UGT2A2: variants seen among roughly 807,000 people sequenced by gnomAD.
UGT2A2 encodes the protein UDP glucuronosyltransferase family 2 member A2.
UGT2A2 carries 60 observed loss-of-function variants against 50.7 expected under a neutral mutation model. The ratio of observed to expected loss-of-function variants is 1.18; its 90% CI spans 0.96 to 1.47. The LOEUF (loss-of-function observed/expected upper bound fraction) is 1.47, where lower values mean the gene tolerates loss of function less well. Among genes scored for constraint, UGT2A2 ranks in the 40% most tolerant of loss-of-function variants. UGT2A2 has a pLI of 0.00. For synonymous variants in UGT2A2, 242 were observed against 214.6 expected, an observed-to-expected ratio of 1.13 and a Z score of -1.11; for missense variants, 762 against 634.0, an observed-to-expected ratio of 1.20 and a Z score of -2.17.
At chr4:69,612,834 T>C (rs1379337449) in intron 1 of UGT2A2, among the ~76,000 whole-genome samples, 1 of 150,346 alleles carries the variant, frequency 6.7e-6, no homozygotes, top group Non-Finnish European at 1.5e-5. Context: ...AACTTTTGGC[T>C]AAGTCCTCAA....
chr4:69,616,835 T>TTTC (rs746719927), intron 1 of UGT2A2, among the ~76,000 whole-genome samples: 74 of 67,102 alleles, frequency 1.1e-3, no homozygotes, highest in African/African-American at 2.3e-3. Flanking sequence ...TTTCTTTTCT[T>TTTC]TTTTTTTTTT....
intron 1 of UGT2A2, among the ~76,000 whole-genome samples, chr4:69,628,054 T>C (rs1372796063): frequency 6.6e-6 from 1 of 151,944 alleles, no homozygotes; most frequent in Admixed American, 6.6e-5. Context: ...TTGCTTTTGG[T>C]GTTATATCCA....
At chr4:69,607,854 A>T (rs1230708674) in intron 1 of UGT2A2, among the ~76,000 whole-genome samples, 7 of 152,080 alleles carry the variant, frequency 4.6e-5, no homozygotes, top group African/African-American at 1.7e-4. Flanking sequence ...GAAATGCAAA[A>T]CAAAACCACA....
intron 1 of UGT2A2, among the ~76,000 whole-genome samples, chr4:69,608,544 C>T (rs923551405): frequency 6.6e-6 from 1 of 150,660 alleles, no homozygotes; most frequent in Non-Finnish European, 1.5e-5. Flanking sequence ...TGTACATGTA[C>T]CCTAAAACTT....
chr4:69,612,591 T>C (rs1720129097), intron 1 of UGT2A2, among the ~76,000 whole-genome samples: 1 of 151,944 alleles, frequency 6.6e-6, no homozygotes, highest in African/African-American at 2.4e-5. Flanking sequence ...CAAAACCATT[T>C]GATTTTTCAC....
rs560263017 is a variant in UGT2A2 at position 69,608,168 on chromosome 4, C to G, written c.743-8774G>C. Among the ~76,000 whole-genome samples the G allele has an allele frequency of 1.8e-4, 27 of 152,178 alleles. No individual in the cohort carries two copies. The South Asian group carries it at 5.0e-3, about 28-fold the overall frequency. ...CACAATAGCAAAGACTTGGAACCAA[C>G]CCAAATGTCCAACAATGATAGACTG... is the stretch of plus-strand genomic sequence containing the variant. On this transcript the variant is annotated intron_variant, in intron 1 of 5. Coordinates refer to ENST00000604629, the MANE Select transcript of UGT2A2 (RefSeq NM_001105677.2).
At chr4:69,623,277 C>G (rs1360384162) in intron 1 of UGT2A2, among the ~76,000 whole-genome samples, 4 of 151,770 alleles carry the variant, frequency 2.6e-5, no homozygotes, top group Non-Finnish European at 4.4e-5. Flanking sequence ...GTAGTCTCTA[C>G]AGCTATCTAG....
In UGT2A2 at chr4:69,595,398, A is replaced by G. The variant is rs1718863976; in HGVS notation, c.1024-149T>C. 3.6e-6 allele frequency: 3 copies of G among 826,358 alleles called. No individual in the cohort carries two copies. The East Asian group carries it at 8.0e-5, about 22-fold the overall frequency. The allele number at this position is 826,358 out of a possible 1,614,324, so 51.2% of individuals were successfully genotyped here. A position where few individuals can be genotyped will look rare whatever the true frequency, so the allele number is the denominator to read the frequency against. On this transcript the variant is annotated intron_variant, in intron 3 of 5. Transcript: ENST00000604629. Reference sequence around the variant, plus strand: ...TACAAACGTTGAGATACGTAGTAGGACTGTTTATATGTACCTTTTTGTAAA... The same window carrying G: ...TACAAACGTTGAGATACGTAGTAGGGCTGTTTATATGTACCTTTTTGTAAA...
At chr4:69,623,299 T>C (rs1380348516) in intron 1 of UGT2A2, among the ~76,000 whole-genome samples, 2 of 151,768 alleles carry the variant, frequency 1.3e-5, no homozygotes, top group Non-Finnish European at 1.5e-5. Flanking sequence ...CTAGGATTAC[T>C]ACAATGTAAC....
intron 1 of UGT2A2, among the ~76,000 whole-genome samples, chr4:69,608,136 C>T (rs868667002): frequency 9.2e-5 from 14 of 152,210 alleles, no homozygotes; most frequent in South Asian, 2.1e-4. Context: ...TTTATTGCAG[C>T]GCTATTCACA....
At chr4:69,612,693 C>A (rs186406068) in intron 1 of UGT2A2, among the ~76,000 whole-genome samples, 1 of 151,636 alleles carries the variant, frequency 6.6e-6, no homozygotes, top group Non-Finnish European at 1.5e-5. Context: ...AGAAAGAAAC[C>A]GGATTGTCAC....
At chr4:69,599,075 T>C (rs145308759) in intron 2 of UGT2A2, among the ~76,000 whole-genome samples, 171 bp downstream of exon 2, 52 of 152,266 alleles carry the variant, frequency 3.4e-4, no homozygotes, top group African/African-American at 1.2e-3. Context: ...AATGTAAAGT[T>C]CAAAACACCT....
intron 1 of UGT2A2, among the ~76,000 whole-genome samples, chr4:69,636,069 A>G (rs7681367): frequency 0.031 from 4,729 of 152,196 alleles, 257 homozygotes; most frequent in African/African-American, 0.11. Flanking sequence ...TCACTGATAT[A>G]GAAAACAAGT....
chr4:69,590,448 A>G (rs1284322641), intron 5 of UGT2A2, among the ~76,000 whole-genome samples: 2 of 152,134 alleles, frequency 1.3e-5, no homozygotes, highest in East Asian at 3.9e-4. Flanking sequence ...AGTAGGTTTC[A>G]TTTTGGTTTG....
intron 1 of UGT2A2, among the ~76,000 whole-genome samples, chr4:69,619,005 T>C (rs1393526321): frequency 1.3e-5 from 2 of 151,762 alleles, no homozygotes; most frequent in Non-Finnish European, 1.5e-5. Context: ...CAATAATATA[T>C]GGAAAAAAGT....
rs1017556222 is a variant in UGT2A2, at chr4:69,605,901, T to C, written c.743-6507A>G. ...GACATTGAATCTCTGAATAGACCAATAACAGGCTCTGAAATTGAGGCAATA... is the reference window on the plus strand; with the variant it reads ...GACATTGAATCTCTGAATAGACCAACAACAGGCTCTGAAATTGAGGCAATA... On this transcript the variant is annotated intron_variant, in intron 1 of 5. Transcript: ENST00000604629. 2.2e-5 allele frequency among the ~76,000 whole-genome samples: 3 copies of C among 136,558 alleles called. 1 individual carries two copies. Among genetic ancestry groups the C allele is most frequent in the Admixed American group, 2.2e-4 (3 of 13,920 alleles). The allele number at this position is 136,558 out of a possible 152,430, so 89.6% of individuals were successfully genotyped here.
chr4:69,637,987 G>C (rs1308129574), intron 1 of UGT2A2, among the ~76,000 whole-genome samples: 3 of 148,654 alleles, frequency 2.0e-5, no homozygotes, highest in African/African-American at 7.5e-5. Flanking sequence ...AAGGCAAGAA[G>C]GAAGGCAGGC....
intron 1 of UGT2A2, among the ~76,000 whole-genome samples, chr4:69,614,459 A>G (rs904814950): frequency 2.4e-5 from 3 of 125,826 alleles, no homozygotes; most frequent in Non-Finnish European, 5.2e-5. Flanking sequence ...CACAAATTAA[A>G]AAATATATAT....
chr4:69,599,150 C>T lies in UGT2A2; in HGVS notation c.891+96G>A, dbSNP rs895520877. The stretch of plus-strand genomic sequence containing the variant: ...ATGTGGAGTAGCAAACTGAAATGTC[C>T]AGCAGCATTTATTTGTTATTGAGGC... On this transcript the variant is annotated intron_variant, in intron 2 of 5. Transcript: ENST00000604629. 1.2e-4 allele frequency: 173 copies of T among 1,440,388 alleles called. No homozygotes were observed. The Middle Eastern group carries it at 2.9e-3, about 24-fold the overall frequency. The allele number at this position is 1,440,388 out of a possible 1,614,324, so 89.2% of individuals were successfully genotyped here. A position where few individuals can be genotyped will look rare whatever the true frequency, so the allele number is the denominator to read the frequency against.
Sources: gnomAD v4.1 joint callset for allele counts (sites outside exome capture counted in the v4.1 genomes callset) on GRCh38, gnomAD v4.1.1 for gene constraint, MANE v1.5 for transcripts, NCBI Gene and HGNC (gene_info 2026-07-23, HGNC 2026-07-21) for gene names.